Variants in ADGRB3 observed in about 807,000 individuals in gnomAD.
ADGRB3 encodes the protein adhesion G protein-coupled receptor B3.
A neutral mutation model predicts 193.4 loss-of-function variants in ADGRB3; 37 were observed. The ratio of observed to expected loss-of-function variants is 0.19; its 90% CI spans 0.15 to 0.25. The LOEUF is 0.25. Ranked by LOEUF, ADGRB3 falls within the 10% of genes least tolerant of loss-of-function variation. ADGRB3 has a pLI of 1.00. For missense variants in ADGRB3, 1,637 were observed against 1,852.9 expected (o/e 0.88, Z 2.14); for synonymous variants, 690 against 644.2 (o/e 1.07, Z -1.08).
At chr6:69,257,185 C>T (rs138153202) in intron 20 of ADGRB3, among the ~76,000 whole-genome samples, 2,438 of 152,134 alleles carry the variant, frequency 0.016, 32 homozygotes, top group Non-Finnish European at 0.025. Context: ...GTGTCTCTGC[C>T]CAGCTTTGGT....
intron 16 of ADGRB3, among the ~76,000 whole-genome samples, chr6:69,069,096 A>G (rs1040227575): frequency 4.6e-5 from 7 of 152,262 alleles, no homozygotes; most frequent in African/African-American, 1.7e-4. Context: ...GCTGTCCCTT[A>G]AAAACTGAAC....
intron 20 of ADGRB3, among the ~76,000 whole-genome samples, chr6:69,269,151 T>A (rs867644691): frequency 6.6e-6 from 1 of 152,080 alleles, no homozygotes; most frequent in Non-Finnish European, 1.5e-5. Flanking sequence ...AACCTACAAA[T>A]GTTAAATATC....
At chr6:68,715,350 T>G (rs1235532895) in intron 3 of ADGRB3, among the ~76,000 whole-genome samples, 1 of 151,712 alleles carries the variant, frequency 6.6e-6, no homozygotes, top group African/African-American at 2.4e-5. Context: ...GAAGGTTTAC[T>G]GAGGTTATAT....
At chr6:69,272,892 A>T (rs1767211332) in intron 20 of ADGRB3, among the ~76,000 whole-genome samples, 1 of 152,012 alleles carries the variant, frequency 6.6e-6, no homozygotes, top group Admixed American at 6.6e-5. Context: ...TATTTGCTTT[A>T]TTACCATTTT....
chr6:68,952,802 A>G (rs934159206), intron 6 of ADGRB3, among the ~76,000 whole-genome samples: 1 of 152,156 alleles, frequency 6.6e-6, no homozygotes, highest in African/African-American at 2.4e-5. Flanking sequence ...AACAAAACTG[A>G]CCCCATCTAA....
chr6:69,385,189 T>C (rs935316935), intron 31 of ADGRB3, among the ~76,000 whole-genome samples: 15 of 151,990 alleles, frequency 9.9e-5, no homozygotes, highest in African/African-American at 3.6e-4. Flanking sequence ...AACCATTCAG[T>C]TAAGATCTCT....
intron 8 of ADGRB3, among the ~76,000 whole-genome samples, chr6:68,957,798 A>C (rs1404862138): frequency 6.6e-6 from 1 of 152,202 alleles, no homozygotes; most frequent in Non-Finnish European, 1.5e-5. Context: ...GTATTTTTCC[A>C]AAGTTAGTAT....
chr6:69,124,250 G>A (rs6918978), intron 17 of ADGRB3, among the ~76,000 whole-genome samples: 96,988 of 151,936 alleles, frequency 0.64, 32,206 homozygotes, highest in East Asian at 0.95. Flanking sequence ...CATTGAAAAT[G>A]CCATTATTTG....
In ADGRB3 at chr6:68,965,364, A is replaced by C. The variant is rs149667661; in HGVS notation, c.1525+8555A>C. On this transcript the variant is annotated intron_variant, in intron 8 of 31. Coordinates refer to ENST00000370598, the MANE Select transcript of ADGRB3 (RefSeq NM_001704.3). ...CGTCTTATTTTCCTCTGCATCCTCCAGCACAGGGAATTCCCCAAACACAAG... is the reference window on the plus strand; with the variant it reads ...CGTCTTATTTTCCTCTGCATCCTCCCGCACAGGGAATTCCCCAAACACAAG... Among the ~76,000 whole-genome samples the C allele has an allele frequency of 2.9e-3, 441 of 152,252 alleles. 1 individual carries two copies. Among genetic ancestry groups the C allele is most frequent in the African/African-American group, 9.8e-3 (407 of 41,570 alleles).
chr6:69,093,160 G>A (rs993669899), intron 17 of ADGRB3, among the ~76,000 whole-genome samples: 5 of 151,698 alleles, frequency 3.3e-5, no homozygotes, highest in African/African-American at 9.7e-5. Context: ...ACGTTCAGGG[G>A]TACAAGGATG....
chr6:69,243,447 C>T (rs550596002), intron 20 of ADGRB3, among the ~76,000 whole-genome samples: 2 of 151,846 alleles, frequency 1.3e-5, no homozygotes, highest in Non-Finnish European at 2.9e-5. Context: ...GTCAGAAATC[C>T]TCCTAATCCA....
intron 13 of ADGRB3, among the ~76,000 whole-genome samples, chr6:69,030,976 C>G (rs1770634413): frequency 1.3e-5 from 1 of 74,928 alleles, no homozygotes; most frequent in Admixed American, 1.1e-4. Flanking sequence ...CTTTTCTTTT[C>G]TTTTCTTTTC....
chr6:68,838,131 G>A (rs1233397204), intron 3 of ADGRB3, among the ~76,000 whole-genome samples: 1 of 152,156 alleles, frequency 6.6e-6, no homozygotes, highest in East Asian at 1.9e-4. Flanking sequence ...ACTGCTACCA[G>A]GATGACAGAA....
At chr6:69,224,748 C>T (rs1765973388) in intron 17 of ADGRB3, among the ~76,000 whole-genome samples, 1 of 151,930 alleles carries the variant, frequency 6.6e-6, no homozygotes, top group Non-Finnish European at 1.5e-5. Flanking sequence ...CATTTCTATT[C>T]CCTCAAATTG....
At chr6:69,066,863 C>A (rs984878235) in intron 16 of ADGRB3, among the ~76,000 whole-genome samples, 1 of 151,984 alleles carries the variant, frequency 6.6e-6, no homozygotes. Context: ...GAAAATAATT[C>A]TTGAGGGCCA....
At chr6:69,224,646 T>G (rs1195801957) in intron 17 of ADGRB3, among the ~76,000 whole-genome samples, 1 of 152,192 alleles carries the variant, frequency 6.6e-6, no homozygotes, top group Non-Finnish European at 1.5e-5. Context: ...AGAACTAAAA[T>G]GTATTTTGAT....
chr6:69,087,170 G>T (rs138227330), intron 17 of ADGRB3, among the ~76,000 whole-genome samples: 23 of 152,154 alleles, frequency 1.5e-4, no homozygotes, highest in African/African-American at 5.1e-4. Flanking sequence ...CCTACAAAAG[G>T]AATTGCATTT....
chr6:68,875,300 A>G (rs1480363575), intron 3 of ADGRB3, among the ~76,000 whole-genome samples: 2 of 143,316 alleles, frequency 1.4e-5, no homozygotes, highest in African/African-American at 2.6e-5. Flanking sequence ...CTTTCCCGAA[A>G]CAAAATTATG....
chr6:68,991,932 C>T (rs547794740), intron 10 of ADGRB3, among the ~76,000 whole-genome samples: 1 of 152,238 alleles, frequency 6.6e-6, no homozygotes, highest in Admixed American at 6.5e-5. Flanking sequence ...CAAACCTAGG[C>T]ACACCTGGCT....
Sources: gnomAD v4.1 joint callset for allele counts (sites outside exome capture counted in the v4.1 genomes callset) on GRCh38, gnomAD v4.1.1 for gene constraint, MANE v1.5 for transcripts, NCBI Gene and HGNC (gene_info 2026-07-23, HGNC 2026-07-21) for gene names.